ANO6: variants seen among roughly 807,000 people sequenced by gnomAD.
The protein encoded by ANO6 is anoctamin-6.
A neutral mutation model predicts 117.5 loss-of-function variants in ANO6; 106 were observed. The ratio of observed to expected loss-of-function variants is 0.90; its 90% CI spans 0.77 to 1.06. The LOEUF is 1.06. Among genes scored for constraint, ANO6 ranks in the 50% least tolerant of loss-of-function variants. The pLI, the probability that ANO6 is intolerant of heterozygous loss-of-function variation, is 0.00. For synonymous variants in ANO6, 367 were observed against 385.1 expected (o/e 0.95, Z 0.55); for missense variants, 955 against 1,121.1 (o/e 0.85, Z 2.12).
At chr12:45,428,100 CCTAGGTCCACACT>C (rs1943548524) in intron 19 of ANO6, among the ~76,000 whole-genome samples, 1 of 152,130 alleles carries the variant, frequency 6.6e-6, no homozygotes, top group Non-Finnish European at 1.5e-5. Context: ...CAGTCCCACT[CCTAGGTCCACACT>C]CTTGAGAAAC....
At chr12:45,409,514 A>G in intron 16 of ANO6, 27 bp downstream of exon 16, 1 of 1,608,780 alleles carries the variant, frequency 6.2e-7, no homozygotes, top group Non-Finnish European at 8.5e-7. Context: ...GTTTTTAGTG[A>G]TATAAAACAT....
chr12:45,290,263 G>A (rs1245543921), intron 1 of ANO6, among the ~76,000 whole-genome samples: 1 of 151,800 alleles, frequency 6.6e-6, no homozygotes, highest in Non-Finnish European at 1.5e-5. Flanking sequence ...AACCTATAGC[G>A]GCTTTTTTTT....
intron 1 of ANO6, among the ~76,000 whole-genome samples, chr12:45,273,545 T>G (rs1938455762): frequency 6.6e-6 from 1 of 152,220 alleles, no homozygotes; most frequent in Admixed American, 6.5e-5. Context: ...TTAACCTCTT[T>G]GTGCCTTAGT....
chr12:45,348,293 A>G lies in ANO6; in HGVS notation c.611A>G (p.Asn204Ser), dbSNP rs151058919. The stretch of plus-strand genomic sequence containing the variant: ...ATAGTTGATAGAGATGCTTTCTTCA[A>G]TCCAGCCACCAGAAGCCGCATTGTA... ...FYIVDRDAFF[N>S]PATRSRIVYF... The change falls in exon 5 of 20, where the codon AAT (asparagine) becomes AGT (serine). Residue 204 changes from asparagine (N) to serine (S), a missense_variant. By Grantham distance (46) the Asn-to-Ser change is conservative (BLOSUM62 1). Transcript: ENST00000320560. 90 of 1,613,990 alleles carry G rather than the reference A, an allele frequency of 5.6e-5. No individual in the cohort carries two copies. The highest frequency in any genetic ancestry group is 1.7e-4 in the Admixed American group (10 of 59,986).
intron 1 of ANO6, among the ~76,000 whole-genome samples, chr12:45,293,252 T>C (rs1939166013): frequency 6.6e-6 from 1 of 152,224 alleles, no homozygotes. Context: ...GCATCTATAA[T>C]ATGCAAGGTA....
intron 3 of ANO6, 94 bp downstream of exon 3, chr12:45,331,517 T>C (rs1940666026): frequency 1.7e-6 from 2 of 1,150,424 alleles, no homozygotes; most frequent in Non-Finnish European, 2.5e-6. Context: ...GAAACTGATG[T>C]TGAAATATCA....
chr12:45,346,706 C>T (rs1315354011), intron 3 of ANO6, among the ~76,000 whole-genome samples: 3 of 152,106 alleles, frequency 2.0e-5, no homozygotes, highest in Admixed American at 6.5e-5. Flanking sequence ...CCAAAAAGTA[C>T]GTGGGATTGT....
At position 45,431,680 on chromosome 12, in the gene ANO6, G is replaced by T. The variant is rs763846270; in HGVS notation, c.*2369G>T. 3.0e-6 allele frequency: 3 copies of T among 985,306 alleles called. No homozygotes were observed. The highest frequency in any genetic ancestry group is 3.6e-6 in the Non-Finnish European group (3 of 829,948). The allele number at this position is 985,306 out of a possible 1,614,324, so 61.0% of individuals were successfully genotyped here. A position where few individuals can be genotyped will look rare whatever the true frequency, so the allele number is the denominator to read the frequency against. ...TTGTTAGTGAGTCCACGGCTGACTT[G>T]CAGTGATAAAGAAAAGCATGGAGCT... On this transcript the variant is annotated 3_prime_UTR_variant, in exon 20 of 20. Coordinates refer to ENST00000320560, the MANE Select transcript of ANO6 (RefSeq NM_001025356.3).
chr12:45,272,537 A>G (rs988683416), intron 1 of ANO6, among the ~76,000 whole-genome samples: 3 of 152,192 alleles, frequency 2.0e-5, no homozygotes, highest in Admixed American at 6.5e-5. Flanking sequence ...TCATGTCATA[A>G]GAAGAGAGAA....
chr12:45,272,859 G>T (rs532814856), intron 1 of ANO6, among the ~76,000 whole-genome samples: 1 of 152,252 alleles, frequency 6.6e-6, no homozygotes, highest in South Asian at 2.1e-4. Flanking sequence ...ACACTTTTGT[G>T]TTCATTGCAG....
chr12:45,247,240 T>C (rs1427489347), intron 1 of ANO6, among the ~76,000 whole-genome samples: 1 of 152,192 alleles, frequency 6.6e-6, no homozygotes, highest in African/African-American at 2.4e-5. Flanking sequence ...CCATCCTACT[T>C]TGTAATGAAA....
intron 1 of ANO6, among the ~76,000 whole-genome samples, chr12:45,230,706 A>T (rs1161225696): frequency 6.6e-6 from 1 of 152,184 alleles, no homozygotes; most frequent in African/African-American, 2.4e-5. Context: ...TATCTATGGA[A>T]TAAGAGCATT....
Position 45,376,623 on chromosome 12 carries a change from A to G in ANO6, c.1105-1430A>G, listed in dbSNP as rs1212863979. 4.7e-5 allele frequency among the ~76,000 whole-genome samples: 7 copies of G among 148,838 alleles called. No individual in the cohort carries two copies. In the South Asian group the frequency reaches 1.5e-3, roughly 33 times the overall value. On this transcript the variant is annotated intron_variant, in intron 9 of 19. Coordinates refer to ENST00000320560, the MANE Select transcript of ANO6 (RefSeq NM_001025356.3). ...AAGAACAAAAAACCAAACACCGCAT[A>G]TTCTCACTCATAGGTAGGAATTGAA...
intron 7 of ANO6, among the ~76,000 whole-genome samples, chr12:45,351,088 T>C (rs1941268833): frequency 1.3e-5 from 2 of 152,004 alleles, no homozygotes. Flanking sequence ...TAGCACAAAC[T>C]CTCTAGAGGT....
Position 45,228,149 on chromosome 12 carries a change from G to A in ANO6, c.70+11758G>A, listed in dbSNP as rs1202562577. The stretch of plus-strand genomic sequence containing the variant: ...TTTTTTTTTTTTTTTTTTTTGACAG[G>A]GTCTCTTTCTGTTGCCAGGGCTGAA... On this transcript the variant is annotated intron_variant, in intron 1 of 19. Coordinates refer to ENST00000320560, the MANE Select transcript of ANO6 (RefSeq NM_001025356.3). 3 of 404,046 alleles carry A rather than the reference G, an allele frequency of 7.4e-6. 1 individual carries two copies. Among genetic ancestry groups the A allele is most frequent in the South Asian group, 5.3e-5 (3 of 56,098 alleles). The allele number at this position is 404,046 out of a possible 1,614,324, so 25.0% of individuals were successfully genotyped here. A position where few individuals can be genotyped will look rare whatever the true frequency, so the allele number is the denominator to read the frequency against.
rs938563805 is a variant in ANO6, at chr12:45,315,497, G to A, written c.150+13404G>A. ...ACCATTTCTCTTTCTGGCCACTCCC[G>A]TTTCACTTCCTGCCCTATGTCACCC... On this transcript the variant is annotated intron_variant, in intron 2 of 19. Coordinates refer to ENST00000320560, the MANE Select transcript of ANO6 (RefSeq NM_001025356.3). 9.2e-5 allele frequency among the ~76,000 whole-genome samples: 14 copies of A among 151,848 alleles called. No individual in the cohort carries two copies. In the East Asian group the frequency reaches 2.3e-3, roughly 25 times the overall value.
At chr12:45,421,799 C>T (rs143795595) in intron 18 of ANO6, among the ~76,000 whole-genome samples, 103 of 152,258 alleles carry the variant, frequency 6.8e-4, no homozygotes, top group African/African-American at 1.8e-3. Flanking sequence ...TAAAAATATT[C>T]CAAAGTTCTC....
chr12:45,371,363 C>G (rs1380564053), intron 9 of ANO6, among the ~76,000 whole-genome samples: 2 of 152,246 alleles, frequency 1.3e-5, no homozygotes, highest in Admixed American at 1.3e-4. Flanking sequence ...CCCACCACAG[C>G]TCAAGGAGGC....
At chr12:45,388,520 G>C (rs181274370) in intron 11 of ANO6, among the ~76,000 whole-genome samples, 2 of 152,218 alleles carry the variant, frequency 1.3e-5, no homozygotes, top group East Asian at 3.9e-4. Context: ...AAGTGAAGAA[G>C]CACTGCTTAG....
Sources: gnomAD v4.1 joint callset for allele counts (sites outside exome capture counted in the v4.1 genomes callset) on GRCh38, gnomAD v4.1.1 for gene constraint, MANE v1.5 for transcripts, NCBI Gene and HGNC (gene_info 2026-07-23, HGNC 2026-07-21) for gene names.